The following FAT3 variants were observed in gnomAD, a reference collection of about 807,000 sequenced individuals.
The protein encoded by FAT3 is protocadherin Fat 3.
FAT3 carries 95 observed loss-of-function variants against 310.2 expected under a neutral mutation model. That is an observed-to-expected ratio of 0.31 (90% CI 0.26 to 0.36). The LOEUF is 0.36. Among genes scored for constraint, FAT3 ranks in the 10% least tolerant of loss-of-function variants. The pLI is 1.00. For synonymous variants in FAT3, 2,314 were observed against 2,192.9 expected (o/e 1.06, Z -1.54); for missense variants, 5,408 against 5,715.6 (o/e 0.95, Z 1.74).
intron 4 of FAT3, among the ~76,000 whole-genome samples, chr11:92,759,876 A>AT (rs1350259155): frequency 1.3e-5 from 2 of 152,130 alleles, no homozygotes; most frequent in African/African-American, 2.4e-5. Context: ...CTCAGAGCCC[A>AT]TTGCAGGGCA....
chr11:92,496,188 G>C (rs534143708), intron 2 of FAT3, among the ~76,000 whole-genome samples: 1 of 152,000 alleles, frequency 6.6e-6, no homozygotes, highest in East Asian at 1.9e-4. Flanking sequence ...GCTGGGTTTC[G>C]TAACGTATGT....
intron 3 of FAT3, among the ~76,000 whole-genome samples, chr11:92,657,650 A>T (rs1319567199): frequency 6.6e-6 from 1 of 152,262 alleles, no homozygotes; most frequent in Non-Finnish European, 1.5e-5. Context: ...ACAACTAGGA[A>T]TATTTATCAA....
intron 3 of FAT3, among the ~76,000 whole-genome samples, chr11:92,537,607 T>C (rs1366913862): frequency 6.6e-6 from 1 of 152,046 alleles, no homozygotes; most frequent in Non-Finnish European, 1.5e-5. Context: ...TGTGGAGTTA[T>C]AAACCTGAGA....
intron 2 of FAT3, among the ~76,000 whole-genome samples, chr11:92,478,960 T>TC: frequency 1.6e-5 from 1 of 64,496 alleles, no homozygotes; most frequent in East Asian, 9.2e-4. Flanking sequence ...TTCTTTTCTT[T>TC]TCTTTTCTTT....
chr11:92,373,811 G>C (rs1056750568), intron 2 of FAT3, among the ~76,000 whole-genome samples: 26 of 138,668 alleles, frequency 1.9e-4, no homozygotes, highest in Admixed American at 5.1e-4. Flanking sequence ...CACACACACA[G>C]AGACATAGAT....
intron 3 of FAT3, among the ~76,000 whole-genome samples, chr11:92,587,966 A>C (rs1939236155): frequency 6.6e-6 from 1 of 152,052 alleles, no homozygotes; most frequent in African/African-American, 2.4e-5. Flanking sequence ...TTTGGCCAGC[A>C]GTGATAATAA....
rs372403199 is a variant in FAT3, at chr11:92,890,636, T to C, written c.13293T>C (p.Tyr4431=). ...ELESDYYLGG[Y]DIDSEYPPPH... ...AGAGCGATTACTACCTGGGTGGTTA[T>C]GACATTGACAGTGAATACCCACCCC... is the stretch of plus-strand genomic sequence containing the variant. The change falls in exon 28 of 28, where the codon TAT becomes TAC. Residue 4431 remains tyrosine, a synonymous_variant. Transcript: ENST00000525166. 2,423 of 1,613,786 alleles carry C rather than the reference T, an allele frequency of 1.5e-3. 6 individuals are homozygous for C. The highest frequency in any genetic ancestry group is 1.9e-3 in the Non-Finnish European group (2,274 of 1,179,866).
chr11:92,456,953 G>A (rs546594858), intron 2 of FAT3, among the ~76,000 whole-genome samples: 2 of 152,300 alleles, frequency 1.3e-5, no homozygotes, highest in South Asian at 4.1e-4. Context: ...TATCTTGGAG[G>A]TAAGGGCCTA....
At chr11:92,336,201 G>A (rs10830897) in intron 1 of FAT3, 31,667 of 567,248 alleles carry the variant, frequency 0.056, 1,622 homozygotes, top group African/African-American at 0.14. Flanking sequence ...GCCAAGGACC[G>A]GGACAATGGA....
intron 4 of FAT3, among the ~76,000 whole-genome samples, chr11:92,743,631 G>A (rs1010716155): frequency 2.0e-5 from 3 of 152,230 alleles, no homozygotes; most frequent in African/African-American, 2.4e-5. Flanking sequence ...GCAGAGGGCC[G>A]CATGTGTCCT....
At chr11:92,760,176 A>G (rs919351740) in intron 4 of FAT3, among the ~76,000 whole-genome samples, 3 of 152,220 alleles carry the variant, frequency 2.0e-5, no homozygotes, top group African/African-American at 4.8e-5. Context: ...AGCAATTGGG[A>G]AAATAACCTT....
chr11:92,558,400 T>TTGTG (rs1285090598), intron 3 of FAT3, among the ~76,000 whole-genome samples: 4 of 78,616 alleles, frequency 5.1e-5, no homozygotes, highest in Non-Finnish European at 8.5e-5. Context: ...CGTGTTGTGT[T>TTGTG]TATGTGTGTG....
chr11:92,791,119 C>G (rs1947030140), intron 8 of FAT3, among the ~76,000 whole-genome samples: 1 of 152,164 alleles, frequency 6.6e-6, no homozygotes. Context: ...GAGTGTCATG[C>G]ACTTAGCTAT....
chr11:92,410,013 G>A (rs1237829968), intron 2 of FAT3, among the ~76,000 whole-genome samples: 1 of 151,730 alleles, frequency 6.6e-6, no homozygotes, highest in Non-Finnish European at 1.5e-5. Context: ...TTCAATCCTG[G>A]GAAAAGAAAA....
intron 19 of FAT3, among the ~76,000 whole-genome samples, chr11:92,853,123 G>A (rs771412867): frequency 1.2e-4 from 19 of 152,246 alleles, no homozygotes; most frequent in Admixed American, 4.6e-4. Flanking sequence ...CGAGCCAGGC[G>A]TGGAGTAGTG....
chr11:92,488,450 G>GCCACCCCCCCCCCCCCCCCCCCC (rs1467231982), intron 2 of FAT3, among the ~76,000 whole-genome samples: 1 of 9,334 alleles, frequency 1.1e-4, no homozygotes, highest in African/African-American at 1.9e-4. Flanking sequence ...AACTAGCACC[G>GCCACCCCCCCCCCCCCCCCCCCC]CCCCCCCCCC....
chr11:92,612,420 T>A (rs1324354346), intron 3 of FAT3, among the ~76,000 whole-genome samples: 1 of 152,218 alleles, frequency 6.6e-6, no homozygotes, highest in Non-Finnish European at 1.5e-5. Flanking sequence ...GGACTTAGAA[T>A]GCTGGTTCAT....
At chr11:92,499,414 A>T (rs1952861944) in intron 2 of FAT3, among the ~76,000 whole-genome samples, 1 of 152,086 alleles carries the variant, frequency 6.6e-6, no homozygotes, top group Non-Finnish European at 1.5e-5. Context: ...ATTAAAAGTG[A>T]TTACCTAATG....
rs377345438 is a variant in FAT3, at chr11:92,599,441, G to A, written c.3607+74493G>A. The stretch of plus-strand genomic sequence containing the variant: ...TGACCTCCTACTAGGTTCCTCCCAC[G>A]ACATGAGAGGATTATGGGAACTACA... On this transcript the variant is annotated intron_variant, in intron 3 of 27. Coordinates refer to ENST00000525166, the MANE Select transcript of FAT3 (RefSeq NM_001367949.2). 1.8e-4 allele frequency among the ~76,000 whole-genome samples: 27 copies of A among 152,186 alleles called. No homozygotes were observed. The East Asian group carries it at 2.5e-3, about 14-fold the overall frequency.
Sources: gnomAD v4.1 joint callset for allele counts (sites outside exome capture counted in the v4.1 genomes callset) on GRCh38, gnomAD v4.1.1 for gene constraint, MANE v1.5 for transcripts, NCBI Gene and HGNC (gene_info 2026-07-23, HGNC 2026-07-21) for gene names.